Variants in DIP2C observed in about 807,000 individuals in gnomAD.
DIP2C encodes disco-interacting protein 2 homolog C.
In DIP2C, 33 loss-of-function variants were observed where a neutral mutation model predicts 192.4. That is an observed-to-expected ratio of 0.17 (90% confidence interval 0.13 to 0.23). The LOEUF is 0.23. DIP2C is among the 10% of genes least tolerant of loss of function. The pLI, the probability that DIP2C is intolerant of heterozygous loss-of-function variation, is 1.00. For synonymous variants in DIP2C, 979 were observed against 864.1 expected, an observed-to-expected ratio of 1.13 and a Z score of -2.33; for missense variants, 1,537 against 2,110.1, an observed-to-expected ratio of 0.73 and a Z score of 5.32.
rs972504657 is a variant in DIP2C at position 282,449 on chromosome 10, G to C, written c.4294+823C>G. On this transcript the variant is annotated intron_variant, in intron 35 of 36. Coordinates refer to ENST00000280886, the MANE Select transcript of DIP2C (RefSeq NM_014974.3). ...GGGCCAGGCCATTGTAGGTATGTTA[G>C]AGAGGTATGTAAGGAAGCCTTACTG... is the stretch of plus-strand genomic sequence containing the variant. 2.6e-5 allele frequency among the ~76,000 whole-genome samples: 4 copies of C among 152,202 alleles called. No individual in the cohort carries two copies. The East Asian group carries it at 7.7e-4, about 29-fold the overall frequency.
rs1334423536 is a variant in DIP2C at position 541,573 on chromosome 10, A to G, written c.86-55043T>C. ...TGTGACCCTCCACCTGAACACCCCC[A>G]TCTCTCCTGGATCCCACAGCGTGAC... On this transcript the variant is annotated intron_variant, in intron 1 of 36. Coordinates refer to ENST00000280886, the MANE Select transcript of DIP2C (RefSeq NM_014974.3). Among the ~76,000 whole-genome samples the G allele has an allele frequency of 1.1e-4, 14 of 123,398 alleles. 1 individual carries two copies. The highest frequency in any genetic ancestry group is 4.5e-4 in the African/African-American group (14 of 31,456). The allele number at this position is 123,398 out of a possible 152,430, so 81.0% of individuals were successfully genotyped here. A position where few individuals can be genotyped will look rare whatever the true frequency, so the allele number is the denominator to read the frequency against.
intron 1 of DIP2C, among the ~76,000 whole-genome samples, chr10:580,436 G>A (rs529306981): frequency 6.6e-6 from 1 of 152,228 alleles, no homozygotes; most frequent in East Asian, 1.9e-4. Context: ...TACATATATG[G>A]CGTTAAATAC....
intron 10 of DIP2C, among the ~76,000 whole-genome samples, chr10:398,826 C>T (rs939266370): frequency 1.3e-5 from 2 of 151,946 alleles, no homozygotes. Flanking sequence ...TCATTTACCC[C>T]AATTCTAGTG....
chr10:616,970 A>G (rs1055150545), intron 1 of DIP2C, among the ~76,000 whole-genome samples: 2 of 152,048 alleles, frequency 1.3e-5, no homozygotes, highest in African/African-American at 4.8e-5. Flanking sequence ...ATCCCCACTG[A>G]GACTCCGTGA....
chr10:370,461 C>T (rs1309046335), intron 17 of DIP2C, among the ~76,000 whole-genome samples: 3 of 152,126 alleles, frequency 2.0e-5, no homozygotes, highest in African/African-American at 7.2e-5. Context: ...CAGAAAACAC[C>T]CCCCACCCAG....
At chr10:344,649 T>C (rs1387415969) in intron 28 of DIP2C, among the ~76,000 whole-genome samples, 160 bp downstream of exon 28, 1 of 152,180 alleles carries the variant, frequency 6.6e-6, no homozygotes, top group African/African-American at 2.4e-5. Flanking sequence ...AGGATGGAAA[T>C]GGTCATACGT....
At chr10:521,827 CAG>C (rs1480381118) in intron 1 of DIP2C, among the ~76,000 whole-genome samples, 1 of 152,130 alleles carries the variant, frequency 6.6e-6, no homozygotes, top group Non-Finnish European at 1.5e-5. Context: ...GAGGAAAGCA[CAG>C]AGTCCTCACG....
intron 17 of DIP2C, among the ~76,000 whole-genome samples, chr10:375,206 G>A (rs971306974): frequency 2.0e-4 from 30 of 152,236 alleles, no homozygotes; most frequent in Non-Finnish European, 2.8e-4. Flanking sequence ...GCAGTAACAC[G>A]AGAGTTCTCA....
chr10:650,727 A>AC (rs1053332208), intron 1 of DIP2C: 67 of 633,966 alleles, frequency 1.1e-4, no homozygotes, highest in Admixed American at 3.9e-4. Context: ...CTCTGGGCCG[A>AC]CCCCCCCTCA....
intron 15 of DIP2C, 93 bp from the exon 16 acceptor site, chr10:384,239 G>A (rs1341548661): frequency 1.7e-6 from 2 of 1,177,504 alleles, no homozygotes; most frequent in Non-Finnish European, 2.3e-6. Context: ...GGGGAAGGGT[G>A]AAGAATCACT....
At chr10:387,504 C>T (rs1198519730) in intron 14 of DIP2C, among the ~76,000 whole-genome samples, 2 of 135,604 alleles carry the variant, frequency 1.5e-5, no homozygotes, top group Non-Finnish European at 3.1e-5. Flanking sequence ...GGCGGGGGGG[C>T]GACTCCTGTG....
chr10:468,687 G>C (rs886530046), intron 3 of DIP2C, among the ~76,000 whole-genome samples: 1 of 152,176 alleles, frequency 6.6e-6, no homozygotes, highest in Non-Finnish European at 1.5e-5. Flanking sequence ...TTGAACCCAC[G>C]AGGCAGAGTT....
intron 28 of DIP2C, 74 bp from the exon 29 acceptor site, chr10:341,403 G>A: frequency 6.6e-7 from 1 of 1,523,112 alleles, no homozygotes; most frequent in Non-Finnish European, 8.8e-7. Flanking sequence ...CGGGGCTGCA[G>A]GGAACGCAAG....
intron 3 of DIP2C, among the ~76,000 whole-genome samples, chr10:446,688 G>A (rs112872186): frequency 1.3e-5 from 2 of 152,360 alleles, no homozygotes; most frequent in African/African-American, 4.8e-5. Flanking sequence ...TGCCACCATG[G>A]AGGAGGGGCA....
At chr10:360,641 G>A (rs1959360954) in intron 22 of DIP2C, among the ~76,000 whole-genome samples, 1 of 152,006 alleles carries the variant, frequency 6.6e-6, no homozygotes, top group South Asian at 2.1e-4. Flanking sequence ...CTATTCGGGG[G>A]CAATATTCCC....
chr10:556,393 C>T (rs554211508), intron 1 of DIP2C, among the ~76,000 whole-genome samples: 2 of 115,656 alleles, frequency 1.7e-5, no homozygotes, highest in South Asian at 3.2e-4. Flanking sequence ...GGCCCCGCTG[C>T]GCACACCACC....
chr10:584,400 GCATCACCTCTCAATCTCGGGGCCCACA>G (rs1385092222), intron 1 of DIP2C, among the ~76,000 whole-genome samples: 1 of 150,618 alleles, frequency 6.6e-6, no homozygotes, highest in Admixed American at 6.6e-5. Context: ...CCACTCACGC[GCATCACCTCTCAATCTCGGGGCCCACA>G]ACCTGACCCC....
At chr10:554,119 G>GA (rs905955301) in intron 1 of DIP2C, among the ~76,000 whole-genome samples, 11 of 151,874 alleles carry the variant, frequency 7.2e-5, no homozygotes, top group African/African-American at 2.7e-4. Flanking sequence ...GAACAGGCAG[G>GA]AAATATACAT....
intron 1 of DIP2C, among the ~76,000 whole-genome samples, chr10:579,715 CATCCAT>C (rs1850464029): frequency 6.6e-6 from 1 of 152,070 alleles, no homozygotes. Flanking sequence ...AGTGTACACA[CATCCAT>C]ATCAATACAG....
Sources: gnomAD v4.1 joint callset for allele counts (sites outside exome capture counted in the v4.1 genomes callset) on GRCh38, gnomAD v4.1.1 for gene constraint, MANE v1.5 for transcripts, NCBI Gene and HGNC (gene_info 2026-07-23, HGNC 2026-07-21) for gene names.